The following GIPC1 variants were observed in gnomAD, a reference collection of about 807,000 sequenced individuals.
GIPC1 encodes GIPC PDZ domain containing family member 1, also known as PDZ domain-containing protein GIPC1.
GIPC1 carries 15 observed loss-of-function variants against 28.5 expected under a neutral mutation model. The ratio of observed to expected loss-of-function variants is 0.53; its 90% CI spans 0.35 to 0.81. The LOEUF (loss-of-function observed/expected upper bound fraction) is 0.81, where lower values mean the gene tolerates loss of function less well. Among genes scored for constraint, GIPC1 ranks in the 30% least tolerant of loss-of-function variants. The pLI is 0.01. For synonymous variants in GIPC1, 224 were observed against 206.1 expected, an observed-to-expected ratio of 1.09 and a Z score of -0.74; for missense variants, 439 against 481.9, an observed-to-expected ratio of 0.91 and a Z score of 0.83.
At chr19:14,489,595 T>G (rs781727142) in intron 3 of GIPC1, 1 of 1,149,148 alleles carries the variant, frequency 8.7e-7, no homozygotes, top group Non-Finnish European at 1.3e-6. Context: ...TATCATCATG[T>G]TAGAAGCCTT....
At chr19:14,483,748 CAATAATAATAATAATAATAAT>C (rs151161206) in intron 3 of GIPC1, among the ~76,000 whole-genome samples, 29,587 of 141,396 alleles carry the variant, frequency 0.21, 3,676 homozygotes, top group East Asian at 0.54. Context: ...GACTCTGTCT[CAATAATAATAATAATAATAAT>C]AATAATAATA....
At chr19:14,489,378 A>T (rs773605560) in intron 3 of GIPC1, 1 of 784,760 alleles carries the variant, frequency 1.3e-6, no homozygotes, top group Non-Finnish European at 2.4e-6. Context: ...GAGCCCATGG[A>T]GTATACACCA....
chr19:14,482,552 T>C (rs1599350913), intron 4 of GIPC1, 137 bp downstream of exon 4: 6 of 834,452 alleles, frequency 7.2e-6, no homozygotes, highest in East Asian at 2.7e-5. Context: ...GCCCAGGCCA[T>C]TGGCCCCCAC....
rs777772038 is a variant in GIPC1 at position 14,482,967 on chromosome 19, C to T, written c.10G>A (p.Gly4Arg). Reference sequence around the variant, plus strand: ...GGCGCCTTTTTCCGCCGCCCCAGTCCCAGCGGCATGAGCAGCGAGAAGTGG... The same window carrying T: ...GGCGCCTTTTTCCGCCGCCCCAGTCTCAGCGGCATGAGCAGCGAGAAGTGG... MPL[G>R]LGRRKKAPPL... The change falls in exon 4 of 9, where the codon GGA becomes AGA. Residue 4 changes from glycine to arginine, a missense_variant. Coordinates refer to ENST00000393033, the MANE Select transcript of GIPC1 (RefSeq NM_005716.4). 6.2e-7 allele frequency: 1 copy of T among 1,611,442 alleles called. No homozygotes were observed. The highest frequency in any genetic ancestry group is 1.7e-5 in the Admixed American group (1 of 59,940).
rs752463861 is a variant in GIPC1 at position 14,480,804 on chromosome 19, C to T, written c.289-26G>A. 5.8e-6 allele frequency: 9 copies of T among 1,539,138 alleles called. No individual in the cohort carries two copies. The East Asian group carries it at 1.8e-4, about 31-fold the overall frequency. On this transcript the variant is annotated intron_variant, in intron 4 of 8. Transcript: ENST00000393033. ...CTGCAGGGGTGGGAGACGCTGAAAC[C>T]TCTTCCCCCTCCCTCCCCCTTTTCT... is the stretch of plus-strand genomic sequence containing the variant.
At position 14,477,914 on chromosome 19, in the gene GIPC1, G is replaced by C. The variant is rs996290546; in HGVS notation, c.*502C>G. On this transcript the variant is annotated 3_prime_UTR_variant, in exon 9 of 9. Transcript: ENST00000393033. Reference sequence around the variant, plus strand: ...AGGTTGCGGGGTTCACAGCAGACTCGTGTCAAATGCGGAGGTAACAGGCTC... The same window carrying C: ...AGGTTGCGGGGTTCACAGCAGACTCCTGTCAAATGCGGAGGTAACAGGCTC... The C allele has an allele frequency of 6.4e-6, 1 of 157,132 alleles. No individual in the cohort carries two copies. The highest frequency in any genetic ancestry group is 2.4e-5 in the African/African-American group (1 of 41,498). The allele number at this position is 157,132 out of a possible 1,614,324, so 9.7% of individuals were successfully genotyped here.
intron 3 of GIPC1, among the ~76,000 whole-genome samples, chr19:14,488,556 A>G (rs1361617009): frequency 1.3e-5 from 2 of 152,186 alleles, no homozygotes; most frequent in Admixed American, 1.3e-4. Flanking sequence ...GTTTGAGGCC[A>G]GCCTGACCAA....
intron 3 of GIPC1, among the ~76,000 whole-genome samples, chr19:14,487,611 C>G (rs1241541343): frequency 1.3e-5 from 2 of 151,580 alleles, no homozygotes; most frequent in Non-Finnish European, 2.9e-5. Context: ...CAGAAGTGGA[C>G]AGTCCGGAAG....
intron 3 of GIPC1, among the ~76,000 whole-genome samples, chr19:14,489,839 G>A (rs929366973): frequency 6.0e-5 from 9 of 150,902 alleles, no homozygotes; most frequent in African/African-American, 2.2e-4. Flanking sequence ...ATTTCAAAGG[G>A]TTTTATGTAT....
rs2071676881 is a variant in GIPC1 at position 14,479,476 on chromosome 19, T to TG, written c.703dup (p.Gln235ProfsTer27). 4.2e-6 allele frequency: 6 copies of TG among 1,443,116 alleles called. No individual in the cohort carries two copies. The highest frequency in any genetic ancestry group is 1.5e-5 in the African/African-American group (1 of 66,554). The allele number at this position is 1,443,116 out of a possible 1,614,324, so 89.4% of individuals were successfully genotyped here. A position where few individuals can be genotyped will look rare whatever the true frequency, so the allele number is the denominator to read the frequency against. On this transcript the variant is annotated frameshift_variant, in exon 7 of 9. Transcript: ENST00000393033. LOFTEE classifies it high-confidence loss of function. ...CAGGGTCCCTCGGCCAGTGCCCAGTTGTGGGCCAGAGCCAGGGCGGCCACC... is the reference window on the plus strand; with the variant it reads ...CAGGGTCCCTCGGCCAGTGCCCAGTTGGTGGGCCAGAGCCAGGGCGGCCACC...
rs2071643429 is a variant in GIPC1 at position 14,478,300 on chromosome 19, T to A, written c.*116A>T. ...CTGGCCCCACCTCCCCTCACCATCG[T>A]CCTTGGGCTGCTGAGCTAGGCTCAG... On this transcript the variant is annotated 3_prime_UTR_variant, in exon 9 of 9. Coordinates refer to ENST00000393033, the MANE Select transcript of GIPC1 (RefSeq NM_005716.4). This position sits in a 1 kb window ranked among gnomAD's most constrained non-coding sequence, Gnocchi z 5.2. The A allele has an allele frequency of 9.1e-7, 1 of 1,093,906 alleles. No homozygotes were observed. Among genetic ancestry groups the A allele is most frequent in the African/African-American group, 1.6e-5 (1 of 63,658 alleles). The allele number at this position is 1,093,906 out of a possible 1,614,324, so 67.8% of individuals were successfully genotyped here.
rs1364475284 is a variant in GIPC1 at position 14,478,582 on chromosome 19, G to A, written c.851-15C>T. On this transcript the variant is annotated splice_polypyrimidine_tract_variant and intron_variant, in intron 8 of 8. Transcript: ENST00000393033. The surrounding 1 kb of genome is among the most constrained non-coding windows in gnomAD (Gnocchi z 5.2). The stretch of plus-strand genomic sequence containing the variant: ...CATGGTGGCCGCTATTGGGGGAGGG[G>A]TCAGAACGGAGGCACAAATGACACC... The A allele has an allele frequency of 2.5e-6, 4 of 1,613,820 alleles. No homozygotes were observed. The highest frequency in any genetic ancestry group is 2.7e-5 in the African/African-American group (2 of 74,910).
chr19:14,484,736 C>T (rs551680546), intron 3 of GIPC1, among the ~76,000 whole-genome samples: 1 of 151,824 alleles, frequency 6.6e-6, no homozygotes, highest in African/African-American at 2.4e-5. Flanking sequence ...GACACTCCAT[C>T]TCAAAAACAG....
intron 3 of GIPC1, among the ~76,000 whole-genome samples, chr19:14,491,080 C>T (rs1036887931): frequency 2.6e-5 from 4 of 151,966 alleles, no homozygotes; most frequent in Admixed American, 1.3e-4. Context: ...GAGGCCGAGG[C>T]GGGTGGATCA....
intron 6 of GIPC1, 96 bp from the exon 7 acceptor site, chr19:14,479,620 A>C: frequency 3.4e-6 from 2 of 592,172 alleles, no homozygotes; most frequent in Non-Finnish European, 2.8e-6. Flanking sequence ...CACCACCCCA[A>C]ACTTCTCCAG....
chr19:14,493,498 C>T (rs891988563), intron 1 of GIPC1, among the ~76,000 whole-genome samples: 2 of 151,940 alleles, frequency 1.3e-5, no homozygotes, highest in Admixed American at 1.3e-4. Context: ...TGCTCTGTCA[C>T]CCAGGTTGGA....
Position 14,478,484 on chromosome 19 carries a change from C to T in GIPC1, c.934G>A (p.Ala312Thr), listed in dbSNP as rs1329561837. Residue 312 changes from alanine (A) to threonine (T), a missense_variant, in exon 9 of 9, where the codon GCC becomes ACC. Coordinates refer to ENST00000393033, the MANE Select transcript of GIPC1 (RefSeq NM_005716.4). The surrounding 1 kb of genome is among the most constrained non-coding windows in gnomAD (Gnocchi z 5.2). Reference protein sequence around the residue: ...EALDERLGDFAFPDEFVFDVW... With the variant: ...EALDERLGDFTFPDEFVFDVW... ...TCAAAGACGAACTCGTCAGGGAAGG[C>T]AAAGTCACCCAGCCGTTCGTCCAGG... 6.2e-7 allele frequency: 1 copy of T among 1,613,560 alleles called. No individual in the cohort carries two copies. The highest frequency in any genetic ancestry group is 8.5e-7 in the Non-Finnish European group (1 of 1,179,914).
chr19:14,482,211 T>C (rs933724797), intron 4 of GIPC1: 2 of 184,828 alleles, frequency 1.1e-5, no homozygotes, highest in Middle Eastern at 2.5e-3. Flanking sequence ...GTCGTCAGTT[T>C]TGCACAATCG....
At chr19:14,484,989 G>A (rs74970301) in intron 3 of GIPC1, among the ~76,000 whole-genome samples, 13,513 of 150,860 alleles carry the variant, frequency 0.09, 670 homozygotes, top group African/African-American at 0.13. Flanking sequence ...GTGAGACCCC[G>A]TCTCTACTAA....
Sources: gnomAD v4.1 joint callset for allele counts (sites outside exome capture counted in the v4.1 genomes callset) on GRCh38, gnomAD v4.1.1 for gene constraint, Gnocchi (gnomAD v3.1) non-coding constraint, MANE v1.5 for transcripts, NCBI Gene and HGNC (gene_info 2026-07-23, HGNC 2026-07-21) for gene names.